The following PIP5K1B variants were observed in gnomAD, a reference collection of about 807,000 sequenced individuals.
PIP5K1B encodes the protein phosphatidylinositol-4-phosphate 5-kinase type 1 beta, also known as phosphatidylinositol 4-phosphate 5-kinase type-1 beta.
In PIP5K1B, 42 loss-of-function variants were observed where a neutral mutation model predicts 67.0. That is an observed-to-expected ratio of 0.63 (90% confidence interval 0.49 to 0.81). PIP5K1B has a LOEUF of 0.81. PIP5K1B is among the 30% of genes least tolerant of loss of function. The pLI is 0.00. For missense variants in PIP5K1B, 459 were observed against 646.3 expected, an observed-to-expected ratio of 0.71 and a Z score of 3.14; for synonymous variants, 214 against 231.4, an observed-to-expected ratio of 0.92 and a Z score of 0.68.
intron 8 of PIP5K1B, among the ~76,000 whole-genome samples, chr9:68,916,454 A>G (rs1474691668): frequency 2.6e-5 from 4 of 152,174 alleles, no homozygotes. Flanking sequence ...GCTGCATCCA[A>G]CTATTTTTAA....
At chr9:68,851,206 C>G (rs1029926471) in intron 4 of PIP5K1B, among the ~76,000 whole-genome samples, 2 of 152,122 alleles carry the variant, frequency 1.3e-5, no homozygotes, top group Non-Finnish European at 2.9e-5. Context: ...TTTATTCTGC[C>G]TCTCCTATTA....
intron 2 of PIP5K1B, among the ~76,000 whole-genome samples, chr9:68,763,978 T>C (rs758183169): frequency 1.3e-5 from 2 of 151,874 alleles, no homozygotes; most frequent in African/African-American, 2.4e-5. Context: ...CAGGACCTGG[T>C]TGGTACCTTC....
chr9:68,859,403 T>C (rs1052296051), intron 4 of PIP5K1B, among the ~76,000 whole-genome samples: 3 of 152,242 alleles, frequency 2.0e-5, no homozygotes, highest in Non-Finnish European at 4.4e-5. Context: ...TTAGAGGTTT[T>C]TCTAGTATCC....
At chr9:68,831,494 A>G (rs566690440) in intron 4 of PIP5K1B, among the ~76,000 whole-genome samples, 1 of 152,236 alleles carries the variant, frequency 6.6e-6, no homozygotes, top group Admixed American at 6.5e-5. Flanking sequence ...TGGGATTTTA[A>G]CCCCAACTGC....
chr9:68,927,429 A>G (rs1281880986), intron 12 of PIP5K1B, among the ~76,000 whole-genome samples: 2 of 152,176 alleles, frequency 1.3e-5, no homozygotes, highest in African/African-American at 2.4e-5. Context: ...CCTCACTGAC[A>G]TATGTTATTG....
At position 68,889,040 on chromosome 9, in the gene PIP5K1B, G is replaced by GT. The variant is rs1383792376; in HGVS notation, c.384dup (p.Val129CysfsTer4). ...CTAACCCTGGAGCCAGTGGATCCTT[G>GT]TTTTTTGTGACCAGTGATGATGAAT... is the stretch of plus-strand genomic sequence containing the variant. On this transcript the variant is annotated frameshift_variant, in exon 7 of 16. Transcript: ENST00000265382. LOFTEE classifies it high-confidence loss of function. The GT allele has an allele frequency of 1.2e-6, 2 of 1,612,892 alleles. No individual in the cohort carries two copies. Among genetic ancestry groups the GT allele is most frequent in the Non-Finnish European group, 1.7e-6 (2 of 1,178,966 alleles).
intron 8 of PIP5K1B, among the ~76,000 whole-genome samples, chr9:68,913,012 T>C (rs1347152081): frequency 1.3e-5 from 2 of 152,210 alleles, no homozygotes; most frequent in Non-Finnish European, 2.9e-5. Flanking sequence ...TTTGATTGTG[T>C]CTTCAGGGTA....
chr9:68,940,690 T>A lies in PIP5K1B; in HGVS notation c.1402T>A (p.Ser468Thr). 1 of 1,614,044 alleles carries A rather than the reference T, an allele frequency of 6.2e-7. No homozygotes were observed. The change falls in exon 14 of 16, where the codon TCA becomes ACA. Residue 468 changes from serine (S) to threonine (T), a missense_variant. By Grantham distance (58) the Ser-to-Thr change is moderately conservative (BLOSUM62 1). Coordinates refer to ENST00000265382, the MANE Select transcript of PIP5K1B (RefSeq NM_003558.4). ...HRPDLVPSTP[S>T]LFEAASLATT... The stretch of plus-strand genomic sequence containing the variant: ...GCCAGACCTGGTCCCTAGCACTCCA[T>A]CACTGTTTGAAGCTGCTTCCTTGGC...
chr9:68,714,268 C>T (rs1340914084), intron 1 of PIP5K1B, among the ~76,000 whole-genome samples: 1 of 152,218 alleles, frequency 6.6e-6, no homozygotes, highest in Non-Finnish European at 1.5e-5. Context: ...GTTCCCAGCT[C>T]TGTGGTGGGC....
Position 68,882,135 on chromosome 9 carries a change from T to C in PIP5K1B, c.318+5341T>C, listed in dbSNP as rs977870025. 5.3e-5 allele frequency among the ~76,000 whole-genome samples: 8 copies of C among 152,304 alleles called. 1 individual carries two copies. The South Asian group carries it at 1.7e-3, about 32-fold the overall frequency. On this transcript the variant is annotated intron_variant, in intron 6 of 15. Transcript: ENST00000265382. Reference sequence around the variant, plus strand: ...AATACATTAGAACAGCTTGCACAGATGACAAGTGCCTGGAAGGTGCATAAA... The same window carrying C: ...AATACATTAGAACAGCTTGCACAGACGACAAGTGCCTGGAAGGTGCATAAA...
chr9:68,843,725 C>T (rs932712193), intron 4 of PIP5K1B, among the ~76,000 whole-genome samples: 4 of 152,226 alleles, frequency 2.6e-5, no homozygotes, highest in African/African-American at 9.7e-5. Flanking sequence ...GTTGGGAAAA[C>T]CTATTTCCTT....
At chr9:68,967,675 C>T (rs1047041726) in intron 14 of PIP5K1B, among the ~76,000 whole-genome samples, 1 of 152,292 alleles carries the variant, frequency 6.6e-6, no homozygotes, top group African/African-American at 2.4e-5. Flanking sequence ...TCACGCCATG[C>T]TTTCATCAAG....
intron 14 of PIP5K1B, among the ~76,000 whole-genome samples, chr9:68,961,756 T>C (rs921550436): frequency 2.0e-5 from 3 of 152,206 alleles, no homozygotes; most frequent in African/African-American, 4.8e-5. Context: ...TTATTTTCAG[T>C]TGGTCCCTTA....
intron 11 of PIP5K1B, among the ~76,000 whole-genome samples, chr9:68,921,516 G>T (rs1438832437): frequency 6.6e-6 from 1 of 152,032 alleles, no homozygotes; most frequent in African/African-American, 2.4e-5. Context: ...TCAATTTCCT[G>T]TTACCAGATG....
Position 68,825,516 on chromosome 9 carries a change from C to G in PIP5K1B, c.69+2833C>G, listed in dbSNP as rs556923448. Among the ~76,000 whole-genome samples the G allele has an allele frequency of 1.1e-4, 16 of 152,310 alleles. No individual in the cohort carries two copies. The South Asian group carries it at 3.3e-3, about 32-fold the overall frequency. The stretch of plus-strand genomic sequence containing the variant: ...CAGACTACACAAGTGTTGTCAAGGC[C>G]ACCATACATCTTATTCCCTTTACAA... On this transcript the variant is annotated intron_variant, in intron 4 of 15. Transcript: ENST00000265382.
chr9:68,723,723 T>G (rs1293897646), intron 1 of PIP5K1B, among the ~76,000 whole-genome samples: 2 of 131,496 alleles, frequency 1.5e-5, no homozygotes, highest in Non-Finnish European at 3.2e-5. Flanking sequence ...TTTTTGCTAT[T>G]GAGTTGTTTG....
intron 2 of PIP5K1B, chr9:68,782,858 A>G (rs1831377625): frequency 6.0e-6 from 1 of 167,084 alleles, no homozygotes; most frequent in Non-Finnish European, 1.5e-5. Flanking sequence ...CTGTTCTTGC[A>G]TTAGCTCAAT....
At chr9:68,842,660 A>G (rs1446002931) in intron 4 of PIP5K1B, among the ~76,000 whole-genome samples, 1 of 152,182 alleles carries the variant, frequency 6.6e-6, no homozygotes, top group East Asian at 1.9e-4. Context: ...GGCATTTATT[A>G]CTGTCTGCAG....
intron 7 of PIP5K1B, among the ~76,000 whole-genome samples, chr9:68,890,454 G>A (rs1006300777): frequency 1.3e-5 from 2 of 152,128 alleles, no homozygotes; most frequent in Non-Finnish European, 2.9e-5. Flanking sequence ...TATGAGTGGT[G>A]ATAAATATCA....
Sources: gnomAD v4.1 joint callset for allele counts (sites outside exome capture counted in the v4.1 genomes callset) on GRCh38, gnomAD v4.1.1 for gene constraint, MANE v1.5 for transcripts, NCBI Gene and HGNC (gene_info 2026-07-23, HGNC 2026-07-21) for gene names.